The following DOCK8 variants were observed in gnomAD, a reference collection of about 807,000 sequenced individuals.
DOCK8 encodes dedicator of cytokinesis 8.
Under a neutral mutation model 245.6 loss-of-function variants are expected in DOCK8, and 141 were observed. The ratio of observed to expected loss-of-function variants is 0.57; its 90% CI spans 0.50 to 0.66. The LOEUF (loss-of-function observed/expected upper bound fraction) is 0.66. DOCK8 is among the 30% of genes least tolerant of loss of function. DOCK8 has a pLI of 0.00. For synonymous variants in DOCK8, 1,168 were observed against 970.2 expected (o/e 1.20, Z -3.79); for missense variants, 2,965 against 2,603.4 (o/e 1.14, Z -3.02).
chr9:462,931 G>C (rs559303936), intron 46 of DOCK8, among the ~76,000 whole-genome samples: 2 of 152,280 alleles, frequency 1.3e-5, no homozygotes, highest in African/African-American at 4.8e-5. Context: ...ACATTTCTGA[G>C]TTTCAGAAAC....
intron 2 of DOCK8, among the ~76,000 whole-genome samples, chr9:277,465 A>AGGGGAGGG (rs2048395519): frequency 6.2e-5 from 4 of 64,634 alleles, no homozygotes; most frequent in African/African-American, 2.7e-4. Flanking sequence ...AAGAGAGAAG[A>AGGGGAGGG]GAAGAGAAGA....
rs185185354 is a variant in DOCK8 at position 344,593 on chromosome 9, T to C, written c.1679+4272T>C. ...TTTCATTTCTGTCCATTTTCCTCTCTTTTTGTTCCTTGCCATCTCCCCATA... is the reference window on the plus strand; with the variant it reads ...TTTCATTTCTGTCCATTTTCCTCTCCTTTTGTTCCTTGCCATCTCCCCATA... On this transcript the variant is annotated intron_variant, in intron 14 of 47. Transcript: ENST00000432829. Among the ~76,000 whole-genome samples the C allele has an allele frequency of 2.5e-3, 377 of 152,272 alleles. 9 individuals are homozygous for C. The highest frequency in any genetic ancestry group is 0.023 in the Admixed American group (351 of 15,282).
chr9:217,907 G>C (rs568470601), intron 1 of DOCK8, among the ~76,000 whole-genome samples: 1 of 152,300 alleles, frequency 6.6e-6, no homozygotes, highest in South Asian at 2.1e-4. Flanking sequence ...CTGCTCCAAA[G>C]ACTGTGCTCT....
chr9:309,608 T>G (rs2050008239), intron 5 of DOCK8, among the ~76,000 whole-genome samples: 1 of 152,328 alleles, frequency 6.6e-6, no homozygotes, highest in African/African-American at 2.4e-5. Context: ...TGTGACTGAT[T>G]TAAGGTTGTT....
intron 20 of DOCK8, among the ~76,000 whole-genome samples, chr9:379,012 G>C (rs12347879): frequency 6.6e-6 from 1 of 151,996 alleles, no homozygotes; most frequent in African/African-American, 2.4e-5. Flanking sequence ...TCACAGGGTC[G>C]GTATGATTTT....
intron 9 of DOCK8, among the ~76,000 whole-genome samples, chr9:331,311 C>T (rs1393351011): frequency 6.6e-6 from 1 of 152,128 alleles, no homozygotes; most frequent in African/African-American, 2.4e-5. Flanking sequence ...CAGTGGGATT[C>T]GCCTTCTCTT....
At chr9:400,947 T>TCACCACCACCACCACCAGCTC (rs1554692446) in intron 26 of DOCK8, among the ~76,000 whole-genome samples, 2 of 28,554 alleles carry the variant, frequency 7.0e-5, no homozygotes, top group Non-Finnish European at 1.0e-4. Context: ...ACCACCACCA[T>TCACCACCACCACCACCAGCTC]CACCACCACC....
chr9:413,377 A>AG (rs2055838508), intron 28 of DOCK8, among the ~76,000 whole-genome samples: 1 of 152,206 alleles, frequency 6.6e-6, no homozygotes, highest in East Asian at 1.9e-4. Flanking sequence ...CACACTCGAA[A>AG]GTATGAGTAA....
intron 44 of DOCK8, among the ~76,000 whole-genome samples, chr9:447,297 A>G (rs560258678): frequency 2.6e-5 from 4 of 152,204 alleles, no homozygotes; most frequent in African/African-American, 9.7e-5. Context: ...AAACACATAT[A>G]TATACACTTA....
chr9:211,449 G>A (rs913801451), upstream of DOCK8, among the ~76,000 whole-genome samples: 6 of 152,150 alleles, frequency 3.9e-5, no homozygotes, highest in Admixed American at 1.3e-4. Context: ...AGGTATTTTA[G>A]TAAACTTCAT....
At chr9:270,253 C>T (rs577716380) in intron 1 of DOCK8, among the ~76,000 whole-genome samples, 1 of 152,336 alleles carries the variant, frequency 6.6e-6, no homozygotes, top group South Asian at 2.1e-4. Context: ...TCTGGGGTTT[C>T]ACACTTCCTT....
In DOCK8 at chr9:382,634, G is replaced by A. The variant is rs565049698; in HGVS notation, c.2727G>A (p.Ala909=). 25 of 1,614,098 alleles carry A rather than the reference G, an allele frequency of 1.5e-5. 1 individual carries two copies. The highest frequency in any genetic ancestry group is 1.3e-4 in the East Asian group (6 of 44,880). ...TGAGCAGCAGTAACCCAGACCTCGC[G>A]GGGACACACTCCGCAGCAGACGAGG... ...RVMSSSNPDL[A]GTHSAADEEV... Residue 909 remains alanine, a synonymous_variant, in exon 22 of 48, where the codon GCG becomes GCA. Coordinates refer to ENST00000432829, the MANE Select transcript of DOCK8 (RefSeq NM_203447.4).
chr9:368,820 C>CTTTTTT (rs71314707), intron 15 of DOCK8: 1 of 94,456 alleles, frequency 1.1e-5, no homozygotes, highest in Non-Finnish European at 2.2e-5. Context: ...TTCTTTTTTT[C>CTTTTTT]TTTTTTTTTT....
chr9:317,244 C>G (rs1238656288), intron 7 of DOCK8, 116 bp downstream of exon 7: 6 of 845,838 alleles, frequency 7.1e-6, no homozygotes, highest in Non-Finnish European at 3.9e-6. Context: ...ATACGTCTAA[C>G]AGTGGGCAGC....
intron 2 of DOCK8, among the ~76,000 whole-genome samples, chr9:283,652 T>G (rs2048689507): frequency 6.6e-6 from 1 of 152,174 alleles, no homozygotes. Context: ...ATATCTGTCT[T>G]TCTGTTTCTG....
At chr9:364,697 G>A (rs908427069) in intron 14 of DOCK8, among the ~76,000 whole-genome samples, 1 of 149,016 alleles carries the variant, frequency 6.7e-6, no homozygotes, top group Non-Finnish European at 1.5e-5. Context: ...AAATGGAAAT[G>A]TGTTAAAGTC....
At chr9:332,593 A>G (rs2130861349) in intron 10 of DOCK8, 115 bp downstream of exon 10, 1 of 627,350 alleles carries the variant, frequency 1.6e-6, no homozygotes, top group East Asian at 2.9e-5. Context: ...TATATAAGAC[A>G]CTACTACATT....
intron 9 of DOCK8, 146 bp from the exon 10 acceptor site, chr9:332,252 A>G (rs958272364): frequency 9.7e-6 from 6 of 616,826 alleles, no homozygotes; most frequent in African/African-American, 1.9e-5. Flanking sequence ...TATTCTTTAT[A>G]TAAATTTTTT....
rs2046744699 is a variant in DOCK8 at position 216,083 on chromosome 9, G to A, written c.53+1054G>A. ...ACAAGGCGATAAGGTCTTCTAGAGG[G>A]CATATCGAGCTTTATTGACGATTTT... On this transcript the variant is annotated intron_variant, in intron 1 of 47. Transcript: ENST00000432829. Among the ~76,000 whole-genome samples, 4 of 152,164 alleles carry A rather than the reference G, an allele frequency of 2.6e-5. No individual in the cohort carries two copies. The South Asian group carries it at 6.2e-4, about 24-fold the overall frequency.
Sources: allele counts gnomAD v4.1 joint callset (sites outside exome capture counted in the v4.1 genomes callset), GRCh38; gene constraint gnomAD v4.1.1; transcripts MANE v1.5; gene names NCBI Gene and HGNC (gene_info 2026-07-23, HGNC 2026-07-21).